MARCHF2: variants seen among roughly 807,000 people sequenced by gnomAD.
MARCHF2 encodes the protein E3 ubiquitin-protein ligase MARCHF2.
MARCHF2 carries 22 observed loss-of-function variants against 24.0 expected under a neutral mutation model. That is an observed-to-expected ratio of 0.92 (90% confidence interval 0.66 to 1.31). The LOEUF is 1.31. Among genes scored for constraint, MARCHF2 ranks in the 50% most tolerant of loss-of-function variants. The pLI is 0.00. For synonymous variants in MARCHF2, 154 were observed against 153.0 expected (o/e 1.01, Z -0.05); for missense variants, 301 against 335.3 (o/e 0.90, Z 0.80).
In MARCHF2 at chr19:8,413,405, C is replaced by G. The variant is rs1370616736; in HGVS notation, c.-68C>G. 6.6e-6 allele frequency: 1 copy of G among 151,820 alleles called. No homozygotes were observed. The highest frequency in any genetic ancestry group is 1.5e-5 in the Non-Finnish European group (1 of 67,906). The allele number at this position is 151,820 out of a possible 1,614,324, so 9.4% of individuals were successfully genotyped here. A position where few individuals can be genotyped will look rare whatever the true frequency, so the allele number is the denominator to read the frequency against. ...CCGAGGGGCCTGTGCGGCCGCCCGG[C>G]CCGGCCGCGGATCAGGTAGGCACGG... is the stretch of plus-strand genomic sequence containing the variant. On this transcript the variant is annotated 5_prime_UTR_variant, in exon 1 of 5. Transcript: ENST00000215555.
intron 3 of MARCHF2, among the ~76,000 whole-genome samples, chr19:8,428,632 A>T (rs1967480725): frequency 7.3e-6 from 1 of 137,242 alleles, no homozygotes; most frequent in African/African-American, 2.7e-5. Context: ...CCTGGGCAAC[A>T]GATTGAGACT....
intron 4 of MARCHF2, among the ~76,000 whole-genome samples, chr19:8,433,083 G>A (rs1967623173): frequency 6.6e-6 from 1 of 151,944 alleles, no homozygotes; most frequent in South Asian, 2.1e-4. Flanking sequence ...GTCGGCCGTG[G>A]TGGTGCGTGC....
At chr19:8,427,753 G>C (rs996304656) in intron 3 of MARCHF2, 8 of 150,012 alleles carry the variant, frequency 5.3e-5, no homozygotes, top group African/African-American at 2.0e-4. Context: ...CTTGAGGTCA[G>C]GAGTTCGAGA....
chr19:8,426,907 A>T (rs550897585), intron 3 of MARCHF2, 103 bp downstream of exon 3: 1 of 1,033,856 alleles, frequency 9.7e-7, no homozygotes, highest in Non-Finnish European at 1.4e-6. Flanking sequence ...CTCCTAGGGC[A>T]GAACTCCCTA....
In MARCHF2 at chr19:8,413,350, G is replaced by C. The variant is rs1966997887; in HGVS notation, c.-123G>C. On this transcript the variant is annotated 5_prime_UTR_variant, in exon 1 of 5. Coordinates refer to ENST00000215555, the MANE Select transcript of MARCHF2 (RefSeq NM_001005415.2). ...GCGGAGCTAGTGGCGCCGACGGGCC[G>C]GGCCGGGCCGGGACCGGGGCCGAGG... is the stretch of plus-strand genomic sequence containing the variant. The C allele has an allele frequency of 1.3e-5, 2 of 151,910 alleles. No homozygotes were observed. Among genetic ancestry groups the C allele is most frequent in the South Asian group, 4.1e-4 (2 of 4,832 alleles). 9.4% of individuals were successfully genotyped at this position (151,910 alleles called of 1,614,324 possible). A position where few individuals can be genotyped will look rare whatever the true frequency, so the allele number is the denominator to read the frequency against.
chr19:8,419,570 A>G (rs1212063087), intron 1 of MARCHF2, among the ~76,000 whole-genome samples: 5 of 151,162 alleles, frequency 3.3e-5, no homozygotes, highest in East Asian at 2.0e-4. Context: ...TAATCCCAGC[A>G]CTTTGGGAGG....
rs541639332 is a variant in MARCHF2 at position 8,434,596 on chromosome 19, G to A, written c.582+3729G>A. 3.5e-4 allele frequency among the ~76,000 whole-genome samples: 53 copies of A among 152,004 alleles called. 1 individual carries two copies. Among genetic ancestry groups the A allele is most frequent in the Non-Finnish European group, 7.1e-4 (48 of 68,002 alleles). On this transcript the variant is annotated intron_variant, in intron 4 of 4. Coordinates refer to ENST00000215555, the MANE Select transcript of MARCHF2 (RefSeq NM_001005415.2). The stretch of plus-strand genomic sequence containing the variant: ...TGGGATTTTTTCCAATGTGTGTGTG[G>A]TTTTATTTCTACTTCCTTGTTTTTT...
At chr19:8,427,436 AC>A (rs1967436538) in intron 3 of MARCHF2, among the ~76,000 whole-genome samples, 1 of 151,682 alleles carries the variant, frequency 6.6e-6, no homozygotes, top group Admixed American at 6.6e-5. Context: ...CCAACAAGAC[AC>A]GTAGGGCTGG....
At chr19:8,429,869 A>G (rs550672050) in intron 3 of MARCHF2, among the ~76,000 whole-genome samples, 1 of 137,616 alleles carries the variant, frequency 7.3e-6, no homozygotes, top group Non-Finnish European at 1.5e-5. Flanking sequence ...GGCCAAGCGT[A>G]GTAGATTAGT....
chr19:8,423,213 C>A, intron 2 of MARCHF2: 1 of 151,020 alleles, frequency 6.6e-6, no homozygotes, highest in Non-Finnish European at 1.5e-5. Flanking sequence ...CCCCCCCGCC[C>A]CGACCATGCC....
At chr19:8,418,213 T>G (rs1967135854) in intron 1 of MARCHF2, among the ~76,000 whole-genome samples, 1 of 152,178 alleles carries the variant, frequency 6.6e-6, no homozygotes, top group Non-Finnish European at 1.5e-5. Context: ...TGCAGGGACT[T>G]GGGAGGGAGA....
In MARCHF2 at chr19:8,422,293, G is replaced by A. The variant is rs375168092; in HGVS notation, c.176+277G>A. On this transcript the variant is annotated intron_variant, in intron 2 of 4. Transcript: ENST00000215555. ...ACTTTTGGGAGGCAGTATAGGGGGC[G>A]GTCAGGAGTGCAGGCTGTGGGCTCA... Among the ~76,000 whole-genome samples, 482 of 152,200 alleles carry A rather than the reference G, an allele frequency of 3.2e-3. 7 individuals carry two copies. Among genetic ancestry groups the A allele is most frequent in the African/African-American group, 0.01 (435 of 41,540 alleles).
chr19:8,438,219 T>C (rs534834343), intron 4 of MARCHF2, among the ~76,000 whole-genome samples, 169 bp from the exon 5 acceptor site: 8 of 152,182 alleles, frequency 5.3e-5, no homozygotes, highest in Admixed American at 4.6e-4. Flanking sequence ...ACCAGGAGTG[T>C]GAATGGGTCT....
chr19:8,424,879 G>A (rs1203143436), intron 2 of MARCHF2, among the ~76,000 whole-genome samples: 2 of 152,038 alleles, frequency 1.3e-5, no homozygotes, highest in African/African-American at 2.4e-5. Context: ...AGCCTGAGTT[G>A]GTTGCATGAG....
rs1040640622 is a variant in MARCHF2 at position 8,421,977 on chromosome 19, G to A, written c.137G>A (p.Arg46Gln). ...YVAQVTSRDG[R>Q]LLSTVIRALD... Reference sequence around the variant, plus strand: ...GCACAGGTGACTTCAAGGGATGGCCGGCTCCTCTCCACCGTCATCCGTGCC... The same window carrying A: ...GCACAGGTGACTTCAAGGGATGGCCAGCTCCTCTCCACCGTCATCCGTGCC... Residue 46 changes from arginine to glutamine, a missense_variant, in exon 2 of 5, where the codon CGG becomes CAG. Coordinates refer to ENST00000215555, the MANE Select transcript of MARCHF2 (RefSeq NM_001005415.2). 8.1e-6 allele frequency: 13 copies of A among 1,613,106 alleles called. No individual in the cohort carries two copies. The highest frequency in any genetic ancestry group is 3.3e-5 in the South Asian group (3 of 90,830).
rs867543262 is a variant in MARCHF2 at position 8,437,041 on chromosome 19, G to A, written c.583-1347G>A. Among the ~76,000 whole-genome samples, 5 of 147,394 alleles carry A rather than the reference G, an allele frequency of 3.4e-5. No homozygotes were observed. In the South Asian group the frequency reaches 6.4e-4, roughly 19 times the overall value. ...TCTCACTCTGTTGGATTGCAGTGGC[G>A]TGAGCACAGCTTGCTGCAGCGTCAA... On this transcript the variant is annotated intron_variant, in intron 4 of 4. Transcript: ENST00000215555.
intron 4 of MARCHF2, among the ~76,000 whole-genome samples, chr19:8,432,453 T>C (rs1221852497): frequency 6.6e-6 from 1 of 152,010 alleles, no homozygotes; most frequent in African/African-American, 2.4e-5. Flanking sequence ...GTTAGGAGTT[T>C]TAGACTAGCA....
At chr19:8,423,662 C>T (rs115001740) in intron 2 of MARCHF2, 30 of 151,992 alleles carry the variant, frequency 2.0e-4, no homozygotes, top group African/African-American at 7.2e-4. Context: ...TTAAAGCCGC[C>T]CAACTCCACC....
intron 4 of MARCHF2, among the ~76,000 whole-genome samples, chr19:8,437,856 T>C (rs1479803146): frequency 6.6e-6 from 1 of 152,034 alleles, no homozygotes; most frequent in African/African-American, 2.4e-5. Flanking sequence ...GCGATTCTCC[T>C]GCCTCAGCCT....
Sources: gnomAD v4.1 joint callset for allele counts (sites outside exome capture counted in the v4.1 genomes callset) on GRCh38, gnomAD v4.1.1 for gene constraint, MANE v1.5 for transcripts, NCBI Gene and HGNC (gene_info 2026-07-23, HGNC 2026-07-21) for gene names.